KRTAP11-1: variants seen among roughly 807,000 people sequenced by gnomAD.
KRTAP11-1 encodes the protein keratin associated protein 11-1, also known as keratin-associated protein 11-1.
A neutral mutation model predicts 13.9 loss-of-function variants in KRTAP11-1; 17 were observed. That is an observed-to-expected ratio of 1.23 (90% CI 0.84 to 1.84). The LOEUF (loss-of-function observed/expected upper bound fraction) is 1.84, where lower values mean the gene tolerates loss of function less well. Among genes scored for constraint, KRTAP11-1 ranks in the 40% most tolerant of loss-of-function variants. The pLI, the probability that KRTAP11-1 is intolerant of heterozygous loss-of-function variation, is 0.00. For synonymous variants in KRTAP11-1, 69 were observed against 81.6 expected, an observed-to-expected ratio of 0.85 and a Z score of 0.84; for missense variants, 181 against 200.9, an observed-to-expected ratio of 0.90 and a Z score of 0.60.
At position 30,881,176 on chromosome 21, in the gene KRTAP11-1, T is replaced by G; in HGVS notation, c.349A>C (p.Ile117Leu). The change falls in exon 1 of 1, where the codon ATC becomes CTC. Residue 117 changes from isoleucine (I) to leucine (L), a missense_variant. By Grantham distance (5) the Ile-to-Leu change is conservative. Transcript: ENST00000332378. ...CCCACTGGTTGGCAGACACTGGAGA[T>G]GCCTCCCAGGGGCTGACATCCACTA... The part of the protein sequence containing the change: ...VSSGCQPLGG[I>L]SSVCQPVGGI... 1 of 1,614,090 alleles carries G rather than the reference T, an allele frequency of 6.2e-7. No homozygotes were observed. Among genetic ancestry groups the G allele is most frequent in the Non-Finnish European group, 8.5e-7 (1 of 1,179,998 alleles).
chr21:30,881,344 A>G lies in KRTAP11-1; in HGVS notation c.181T>C (p.Cys61Arg). 1 of 1,614,162 alleles carries G rather than the reference A, an allele frequency of 6.2e-7. No homozygotes were observed. The highest frequency in any genetic ancestry group is 8.5e-7 in the Non-Finnish European group (1 of 1,180,004). ...GTTGGCTGGCAAGCAGTGGGCTCACAGCAGGTCTCTTGACAGTGGTCCAGG... is the reference window on the plus strand; with the variant it reads ...GTTGGCTGGCAAGCAGTGGGCTCACGGCAGGTCTCTTGACAGTGGTCCAGG... ...WLLDHCQETC[C>R]EPTACQPTCY... The change falls in exon 1 of 1, where the codon TGT becomes CGT. Residue 61 changes from cysteine (C) to arginine (R), a missense_variant. Coordinates refer to ENST00000332378, the MANE Select transcript of KRTAP11-1 (RefSeq NM_175858.3).
Position 30,881,404 on chromosome 21 carries a change from A to G in KRTAP11-1, c.121T>C (p.Cys41Arg). Reference sequence around the variant, plus strand: ...CCAGTCTGGAAGGAACTGGGCAAACAGATGCCGCCCAGGCAGTCAGCATCA... The same window carrying G: ...CCAGTCTGGAAGGAACTGGGCAAACGGATGCCGCCCAGGCAGTCAGCATCA... The part of the protein sequence containing the change: ...TTDADCLGGI[C>R]LPSSFQTGSW... The change falls in exon 1 of 1, where the codon TGT (cysteine) becomes CGT (arginine). Residue 41 changes from cysteine (C) to arginine (R), a missense_variant. Transcript: ENST00000332378. 1 of 1,614,156 alleles carries G rather than the reference A, an allele frequency of 6.2e-7. No individual in the cohort carries two copies. Among genetic ancestry groups the G allele is most frequent in the South Asian group, 1.1e-5 (1 of 91,086 alleles).
At position 30,880,992 on chromosome 21, in the gene KRTAP11-1, C is replaced by A; in HGVS notation, c.*41G>T. ...GCTGGAAGATCCTGGAAACAGCTGG[C>A]AGGTCGTGGAGTCTTGATTCGCTCA... On this transcript the variant is annotated 3_prime_UTR_variant, in exon 1 of 1. Transcript: ENST00000332378. The A allele has an allele frequency of 6.4e-7, 1 of 1,571,996 alleles. No homozygotes were observed. Among genetic ancestry groups the A allele is most frequent in the South Asian group, 1.2e-5 (1 of 83,772 alleles).
rs759393419 is a variant in KRTAP11-1, at chr21:30,881,185, G to C, written c.340C>G (p.Leu114Val). The change falls in exon 1 of 1, where the codon CTG (leucine) becomes GTG (valine). Residue 114 changes from leucine to valine, a missense_variant. Leu to Val is a conservative substitution (Grantham distance 32). Coordinates refer to ENST00000332378, the MANE Select transcript of KRTAP11-1 (RefSeq NM_175858.3). ...LTFVSSGCQP[L>V]GGISSVCQPV... ...TGGCAGACACTGGAGATGCCTCCCA[G>C]GGGCTGACATCCACTAGAGACAAAG... 1.2e-6 allele frequency: 2 copies of C among 1,614,154 alleles called. No individual in the cohort carries two copies. Among genetic ancestry groups the C allele is most frequent in the Non-Finnish European group, 1.7e-6 (2 of 1,180,028 alleles).
In KRTAP11-1 at chr21:30,881,005, C is replaced by A; in HGVS notation, c.*28G>T. ...GGAAACAGCTGGCAGGTCGTGGAGT[C>A]TTGATTCGCTCACTGGCTCCTACAC... On this transcript the variant is annotated 3_prime_UTR_variant, in exon 1 of 1. Transcript: ENST00000332378. 1 of 1,591,360 alleles carries A rather than the reference C, an allele frequency of 6.3e-7. No homozygotes were observed. The highest frequency in any genetic ancestry group is 1.1e-5 in the South Asian group (1 of 87,428).
rs1304762956 is a variant in KRTAP11-1, at chr21:30,880,732, AT to A, written c.*300del. 2.7e-6 allele frequency: 1 copy of A among 371,056 alleles called. No homozygotes were observed. The highest frequency in any genetic ancestry group is 4.9e-6 in the Non-Finnish European group (1 of 205,160). The allele number at this position is 371,056 out of a possible 1,614,324, so 23.0% of individuals were successfully genotyped here. On this transcript the variant is annotated 3_prime_UTR_variant, in exon 1 of 1. Transcript: ENST00000332378. ...GAGACACAAAAGCAGAGGCCAGGAGATACAGCAGCAAGGTGAAAACATGTCA... is the reference window on the plus strand; with the variant it reads ...GAGACACAAAAGCAGAGGCCAGGAGAACAGCAGCAAGGTGAAAACATGTCA...
At position 30,881,469 on chromosome 21, in the gene KRTAP11-1, C is replaced by T. The variant is rs1434376948; in HGVS notation, c.56G>A (p.Cys19Tyr). Residue 19 changes from cysteine (C) to tyrosine (Y), a missense_variant, in exon 1 of 1, where the codon TGC becomes TAC. Transcript: ENST00000332378. ...GGTAACTTGGGCCACTGGAACAATGCAGCGTCCTCCAATGGGCCTGGAAGA... is the reference window on the plus strand; with the variant it reads ...GGTAACTTGGGCCACTGGAACAATGTAGCGTCCTCCAATGGGCCTGGAAGA... ...NCSSRPIGGRCIVPVAQVTTT... is the reference protein window; with the variant it reads ...NCSSRPIGGRYIVPVAQVTTT... The T allele has an allele frequency of 6.2e-7, 1 of 1,613,980 alleles. No individual in the cohort carries two copies. The highest frequency in any genetic ancestry group is 8.5e-7 in the Non-Finnish European group (1 of 1,179,946).
rs778351898 is a variant in KRTAP11-1, at chr21:30,881,429, A to C, written c.96T>G (p.Thr32=). ...AGATGCCGCCCAGGCAGTCAGCATC[A>C]GTGGTGGAAGTCGTGGTAACTTGGG... is the stretch of plus-strand genomic sequence containing the variant. The part of the protein sequence containing the change: ...PVAQVTTTST[T]DADCLGGICL... The change falls in exon 1 of 1, where the codon ACT becomes ACG. Residue 32 remains threonine (T), a synonymous_variant. Transcript: ENST00000332378. The C allele has an allele frequency of 1.9e-6, 3 of 1,614,126 alleles. No individual in the cohort carries two copies. In the Admixed American group the frequency reaches 5.0e-5, roughly 27 times the overall value.
chr21:30,880,856 G>A lies in KRTAP11-1; in HGVS notation c.*177C>T. On this transcript the variant is annotated 3_prime_UTR_variant, in exon 1 of 1. Transcript: ENST00000332378. ...CAACCCTTAAAACAAGCTTAGGGCT[G>A]GCCAGAAAAATTTTAGAGTGCTAAA... The A allele has an allele frequency of 1.3e-6, 1 of 770,950 alleles. No homozygotes were observed. Among genetic ancestry groups the A allele is most frequent in the South Asian group, 1.8e-5 (1 of 55,166 alleles). 47.8% of individuals were successfully genotyped at this position (770,950 alleles called of 1,614,324 possible). A position where few individuals can be genotyped will look rare whatever the true frequency, so the allele number is the denominator to read the frequency against.
Position 30,881,060 on chromosome 21 carries a change from G to A in KRTAP11-1, c.465C>T (p.Cys155=), listed in dbSNP as rs544091500. Reference sequence around the variant, plus strand: ...AGCAGGTTCTTCGGCAGCTGGACACGCAGGACTGCTGATACGTCCTGGAGA... The same window carrying A: ...AGCAGGTTCTTCGGCAGCTGGACACACAGGACTGCTGATACGTCCTGGAGA... ...CGVSRTYQQS[C]VSSCRRTC The change falls in exon 1 of 1, where the codon TGC becomes TGT. Residue 155 remains cysteine (C), a synonymous_variant. Coordinates refer to ENST00000332378, the MANE Select transcript of KRTAP11-1 (RefSeq NM_175858.3). 35 of 1,613,622 alleles carry A rather than the reference G, an allele frequency of 2.2e-5. No homozygotes were observed. Among genetic ancestry groups the A allele is most frequent in the South Asian group, 1.2e-4 (11 of 91,068 alleles).
In KRTAP11-1 at chr21:30,881,180, T is replaced by C. The variant is rs554949588; in HGVS notation, c.345A>G (p.Gly115=). The C allele has an allele frequency of 1.2e-6, 2 of 1,614,066 alleles. No individual in the cohort carries two copies. The highest frequency in any genetic ancestry group is 2.2e-5 in the South Asian group (2 of 91,070). The change falls in exon 1 of 1, where the codon GGA becomes GGG. Residue 115 remains glycine, a synonymous_variant. Coordinates refer to ENST00000332378, the MANE Select transcript of KRTAP11-1 (RefSeq NM_175858.3). Reference sequence around the variant, plus strand: ...CTGGTTGGCAGACACTGGAGATGCCTCCCAGGGGCTGACATCCACTAGAGA... The same window carrying C: ...CTGGTTGGCAGACACTGGAGATGCCCCCCAGGGGCTGACATCCACTAGAGA... ...TFVSSGCQPL[G]GISSVCQPVG...
At position 30,881,181 on chromosome 21, in the gene KRTAP11-1, C is replaced by T. The variant is rs1264463183; in HGVS notation, c.344G>A (p.Gly115Glu). The T allele has an allele frequency of 6.2e-7, 1 of 1,613,970 alleles. No individual in the cohort carries two copies. The highest frequency in any genetic ancestry group is 1.3e-5 in the African/African-American group (1 of 74,912). Residue 115 changes from glycine (G) to glutamate (E), a missense_variant, in exon 1 of 1, where the codon GGA becomes GAA. Gly to Glu is a moderately conservative substitution (Grantham distance 98). Coordinates refer to ENST00000332378, the MANE Select transcript of KRTAP11-1 (RefSeq NM_175858.3). ...TGGTTGGCAGACACTGGAGATGCCTCCCAGGGGCTGACATCCACTAGAGAC... is the reference window on the plus strand; with the variant it reads ...TGGTTGGCAGACACTGGAGATGCCTTCCAGGGGCTGACATCCACTAGAGAC... The part of the protein sequence containing the change: ...TFVSSGCQPL[G>E]GISSVCQPVG...
chr21:30,881,091 C>T lies in KRTAP11-1; in HGVS notation c.434G>A (p.Cys145Tyr). 1 of 1,614,168 alleles carries T rather than the reference C, an allele frequency of 6.2e-7. No individual in the cohort carries two copies. ...GGVSTVCQPA[C>Y]GVSRTYQQSC... is the part of the protein sequence containing the mutation. Reference sequence around the variant, plus strand: ...CTGCTGATACGTCCTGGAGACCCCACAGGCTGGCTGGCAGACAGTAGAGAC... The same window carrying T: ...CTGCTGATACGTCCTGGAGACCCCATAGGCTGGCTGGCAGACAGTAGAGAC... The change falls in exon 1 of 1, where the codon TGT becomes TAT. Residue 145 changes from cysteine to tyrosine, a missense_variant. Coordinates refer to ENST00000332378, the MANE Select transcript of KRTAP11-1 (RefSeq NM_175858.3).
In KRTAP11-1 at chr21:30,880,952, A is replaced by G; in HGVS notation, c.*81T>C. 6.6e-7 allele frequency: 1 copy of G among 1,526,700 alleles called. No individual in the cohort carries two copies. The highest frequency in any genetic ancestry group is 8.9e-7 in the Non-Finnish European group (1 of 1,127,676). The allele number at this position is 1,526,700 out of a possible 1,614,324, so 94.6% of individuals were successfully genotyped here. ...AAGGGTCAGCTATGAAGAGCTATTC[A>G]GGGACAAGCAGCATGCTGGAAGATC... On this transcript the variant is annotated 3_prime_UTR_variant, in exon 1 of 1. Coordinates refer to ENST00000332378, the MANE Select transcript of KRTAP11-1 (RefSeq NM_175858.3).
rs1250608656 is a variant in KRTAP11-1 at position 30,880,826 on chromosome 21, G to C, written c.*207C>G. 1 of 611,532 alleles carries C rather than the reference G, an allele frequency of 1.6e-6. No individual in the cohort carries two copies. Among genetic ancestry groups the C allele is most frequent in the Non-Finnish European group, 2.9e-6 (1 of 350,450 alleles). 37.9% of individuals were successfully genotyped at this position (611,532 alleles called of 1,614,324 possible). A position where few individuals can be genotyped will look rare whatever the true frequency, so the allele number is the denominator to read the frequency against. On this transcript the variant is annotated 3_prime_UTR_variant, in exon 1 of 1. Transcript: ENST00000332378. ...ACATCCAGAGGCATACACAGCACCA[G>C]TGAGCAACCCTTAAAACAAGCTTAG...
In KRTAP11-1 at chr21:30,880,902, T is replaced by C. The variant is rs190500264; in HGVS notation, c.*131A>G. 2.3e-5 allele frequency: 28 copies of C among 1,211,018 alleles called. No homozygotes were observed. The African/African-American group carries it at 3.5e-4, about 15-fold the overall frequency. The allele number at this position is 1,211,018 out of a possible 1,614,324, so 75.0% of individuals were successfully genotyped here. The stretch of plus-strand genomic sequence containing the variant: ...CTAAAGACAGCGTGTGCATGGATAG[T>C]AGCCAGCAGTCAGGCGGTCACAAGA... On this transcript the variant is annotated 3_prime_UTR_variant, in exon 1 of 1. Transcript: ENST00000332378.
rs199724044 is a variant in KRTAP11-1 at position 30,881,473 on chromosome 21, G to A, written c.52C>T (p.Arg18Cys). 2.8e-5 allele frequency: 45 copies of A among 1,613,956 alleles called. No homozygotes were observed. The highest frequency in any genetic ancestry group is 1.6e-4 in the Middle Eastern group (1 of 6,062). ...RNCSSRPIGGRCIVPVAQVTT... is the reference protein window; with the variant it reads ...RNCSSRPIGGCCIVPVAQVTT... ...ACTTGGGCCACTGGAACAATGCAGC[G>A]TCCTCCAATGGGCCTGGAAGAGCAA... The change falls in exon 1 of 1, where the codon CGC (arginine) becomes TGC (cysteine). Residue 18 changes from arginine (R) to cysteine (C), a missense_variant. Arg to Cys is a radical substitution (Grantham distance 180, BLOSUM62 -3). Coordinates refer to ENST00000332378, the MANE Select transcript of KRTAP11-1 (RefSeq NM_175858.3).
At position 30,881,086 on chromosome 21, in the gene KRTAP11-1, C is replaced by T. The variant is rs777333980; in HGVS notation, c.439G>A (p.Val147Ile). ...CAGGACTGCTGATACGTCCTGGAGACCCCACAGGCTGGCTGGCAGACAGTA... is the reference window on the plus strand; with the variant it reads ...CAGGACTGCTGATACGTCCTGGAGATCCCACAGGCTGGCTGGCAGACAGTA... The part of the protein sequence containing the change: ...VSTVCQPACG[V>I]SRTYQQSCVS... Residue 147 changes from valine to isoleucine, a missense_variant, in exon 1 of 1, where the codon GTC (valine) becomes ATC (isoleucine). Physicochemically the swap from Val to Ile is conservative, Grantham distance 29 (BLOSUM62 3). Coordinates refer to ENST00000332378, the MANE Select transcript of KRTAP11-1 (RefSeq NM_175858.3). The T allele has an allele frequency of 6.2e-7, 1 of 1,614,020 alleles. No individual in the cohort carries two copies. The highest frequency in any genetic ancestry group is 8.5e-7 in the Non-Finnish European group (1 of 1,180,016).
In KRTAP11-1 at chr21:30,881,448, A is replaced by G; in HGVS notation, c.77T>C (p.Val26Ala). 6.2e-7 allele frequency: 1 copy of G among 1,614,116 alleles called. No homozygotes were observed. Among genetic ancestry groups the G allele is most frequent in the Non-Finnish European group, 8.5e-7 (1 of 1,179,996 alleles). ...GGRCIVPVAQ[V>A]TTTSTTDADC... ...AGCATCAGTGGTGGAAGTCGTGGTAACTTGGGCCACTGGAACAATGCAGCG... is the reference window on the plus strand; with the variant it reads ...AGCATCAGTGGTGGAAGTCGTGGTAGCTTGGGCCACTGGAACAATGCAGCG... Residue 26 changes from valine to alanine, a missense_variant, in exon 1 of 1, where the codon GTT (valine) becomes GCT (alanine). Transcript: ENST00000332378.
Sources: allele counts gnomAD v4.1 joint callset, GRCh38; gene constraint gnomAD v4.1.1; transcripts MANE v1.5; gene names NCBI Gene and HGNC (gene_info 2026-07-23, HGNC 2026-07-21).